The following GNB4 variants were observed in gnomAD, a reference collection of about 807,000 sequenced individuals.
The protein encoded by GNB4 is guanine nucleotide-binding protein subunit beta-4.
A neutral mutation model predicts 45.2 loss-of-function variants in GNB4; 28 were observed. The observed-to-expected ratio is 0.62, with a 90% CI of 0.46 to 0.85. GNB4 has a LOEUF of 0.85. Ranked by LOEUF, GNB4 falls within the 40% of genes least tolerant of loss-of-function variation. GNB4 has a pLI of 0.00. For synonymous variants in GNB4, 132 were observed against 143.7 expected (o/e 0.92, Z 0.58); for missense variants, 321 against 425.4 (o/e 0.75, Z 2.16).
chr3:179,508,930 G>GTATATATATATATATATATATATA, the GNB4 span, among the ~76,000 whole-genome samples: 275 of 46,904 alleles, frequency 5.9e-3, 9 homozygotes, highest in Admixed American at 9.0e-3. Flanking sequence ...CTTTCAGCAT[G>GTATATATATATATATATATATATA]TGTATATATA....
the GNB4 span, among the ~76,000 whole-genome samples, chr3:179,511,499 G>C: frequency 2.0e-5 from 3 of 152,148 alleles, no homozygotes; most frequent in African/African-American, 7.2e-5. Context: ...TTTTCAGAGA[G>C]GCAGCATTAA....
the GNB4 span, among the ~76,000 whole-genome samples, chr3:179,522,151 G>A: frequency 1.3e-5 from 2 of 152,100 alleles, no homozygotes; most frequent in Admixed American, 1.3e-4. Flanking sequence ...CAGATAGCCA[G>A]TTCCTGCCTT....
intron 2 of GNB4, among the ~76,000 whole-genome samples, chr3:179,422,991 C>T (rs1363349950): frequency 2.0e-5 from 3 of 152,066 alleles, no homozygotes; most frequent in Non-Finnish European, 4.4e-5. Flanking sequence ...TGGGGTTTCA[C>T]CATGTTAGCC....
At position 179,399,139 on chromosome 3, in the gene GNB4, C is replaced by T. The variant is rs376113903; in HGVS notation, c.*2074G>A. The T allele has an allele frequency of 6.6e-6, 1 of 152,126 alleles. No homozygotes were observed. Among genetic ancestry groups the T allele is most frequent in the African/African-American group, 2.4e-5 (1 of 41,430 alleles). The allele number at this position is 152,126 out of a possible 1,614,324, so 9.4% of individuals were successfully genotyped here. On this transcript the variant is annotated 3_prime_UTR_variant, in exon 10 of 10. Transcript: ENST00000232564. ...ATTCCTTTATTCTTTTCTCAAAGAA[C>T]TGTTCTTTATGAAGTGATATAAATA...
At chr3:179,429,433 A>G (rs1715240007) in intron 1 of GNB4, among the ~76,000 whole-genome samples, 1 of 152,202 alleles carries the variant, frequency 6.6e-6, no homozygotes, top group Admixed American at 6.5e-5. Context: ...TCAAACAGTA[A>G]CAGACTCATT....
the GNB4 span, among the ~76,000 whole-genome samples, chr3:179,511,192 A>G: frequency 1.3e-5 from 2 of 152,088 alleles, no homozygotes; most frequent in Non-Finnish European, 1.5e-5. Context: ...CTCACTGAAC[A>G]TTTACAGTAT....
At chr3:179,510,942 G>T in the GNB4 span, among the ~76,000 whole-genome samples, 1 of 152,150 alleles carries the variant, frequency 6.6e-6, no homozygotes, top group Admixed American at 6.6e-5. Context: ...GGCGAATTTT[G>T]TTTCTCTGGG....
chr3:179,469,614 T>TA, the GNB4 span, among the ~76,000 whole-genome samples: 2 of 151,826 alleles, frequency 1.3e-5, no homozygotes, highest in Non-Finnish European at 2.9e-5. Flanking sequence ...ATAGCAATAG[T>TA]AAAAAAAATT....
At chr3:179,500,967 A>C in the GNB4 span, among the ~76,000 whole-genome samples, 2 of 152,326 alleles carry the variant, frequency 1.3e-5, no homozygotes, top group South Asian at 4.1e-4. Flanking sequence ...TATCAGCTTA[A>C]GGAGATTTTG....
At position 179,401,013 on chromosome 3, in the gene GNB4, C is replaced by A; in HGVS notation, c.*200G>T. On this transcript the variant is annotated 3_prime_UTR_variant, in exon 10 of 10. Coordinates refer to ENST00000232564, the MANE Select transcript of GNB4 (RefSeq NM_021629.4). ...AACCCCTCAAATTAATACACTGGTCCTTTTGATCTCAGAAGGCGCCTTTGC... is the reference window on the plus strand; with the variant it reads ...AACCCCTCAAATTAATACACTGGTCATTTTGATCTCAGAAGGCGCCTTTGC... 1 of 486,334 alleles carries A rather than the reference C, an allele frequency of 2.1e-6. No homozygotes were observed. The highest frequency in any genetic ancestry group is 3.7e-6 in the Non-Finnish European group (1 of 268,624). The allele number at this position is 486,334 out of a possible 1,614,324, so 30.1% of individuals were successfully genotyped here. A position where few individuals can be genotyped will look rare whatever the true frequency, so the allele number is the denominator to read the frequency against.
the GNB4 span, among the ~76,000 whole-genome samples, chr3:179,470,337 C>A: frequency 6.6e-6 from 1 of 152,058 alleles, no homozygotes; most frequent in Admixed American, 6.6e-5. Context: ...GTTATTGCCC[C>A]TGAAGCCTTC....
chr3:179,438,643 T>A (rs1715521271), intron 1 of GNB4, among the ~76,000 whole-genome samples: 1 of 152,214 alleles, frequency 6.6e-6, no homozygotes, highest in African/African-American at 2.4e-5. Flanking sequence ...GCAATTTAAC[T>A]ACTTCTTCCT....
the GNB4 span, among the ~76,000 whole-genome samples, chr3:179,508,159 T>C: frequency 6.6e-6 from 1 of 152,228 alleles, no homozygotes; most frequent in East Asian, 1.9e-4. Context: ...TTTTATTAAC[T>C]TTTTAAAAAT....
intron 8 of GNB4, chr3:179,410,334 T>G (rs1033666910): frequency 1.3e-5 from 2 of 152,016 alleles, no homozygotes; most frequent in African/African-American, 4.8e-5. Flanking sequence ...TCTGAGGAGA[T>G]AGTTGATTTA....
At chr3:179,445,395 C>G (rs1715694540) in intron 1 of GNB4, among the ~76,000 whole-genome samples, 1 of 152,096 alleles carries the variant, frequency 6.6e-6, no homozygotes, top group Admixed American at 6.5e-5. Flanking sequence ...ATCAATCTTC[C>G]TACCCTAGCC....
chr3:179,476,364 T>G, the GNB4 span, among the ~76,000 whole-genome samples: 2 of 152,198 alleles, frequency 1.3e-5, no homozygotes, highest in South Asian at 4.1e-4. Context: ...CCCAGTGTCT[T>G]GGGCAGCCCC....
chr3:179,500,602 T>C, the GNB4 span, among the ~76,000 whole-genome samples: 1 of 152,210 alleles, frequency 6.6e-6, no homozygotes, highest in Non-Finnish European at 1.5e-5. Flanking sequence ...TAAAGTAGTC[T>C]TTTCCAATTC....
the GNB4 span, among the ~76,000 whole-genome samples, chr3:179,507,135 T>C: frequency 6.6e-6 from 1 of 152,178 alleles, no homozygotes; most frequent in African/African-American, 2.4e-5. Context: ...CCTTCATGCA[T>C]CGTAAATAAG....
chr3:179,424,089 C>CT (rs1715076133), intron 2 of GNB4, among the ~76,000 whole-genome samples: 1 of 152,178 alleles, frequency 6.6e-6, no homozygotes, highest in Non-Finnish European at 1.5e-5. Flanking sequence ...GGAGAACCAA[C>CT]TTTAAGTTAT....
Sources: gnomAD v4.1 joint callset for allele counts (sites outside exome capture counted in the v4.1 genomes callset) on GRCh38, gnomAD v4.1.1 for gene constraint, MANE v1.5 for transcripts, NCBI Gene and HGNC (gene_info 2026-07-23, HGNC 2026-07-21) for gene names.